Variants in SORCS3 observed in about 807,000 individuals in gnomAD.
SORCS3 encodes VPS10 domain-containing receptor SorCS3.
In SORCS3, 57 loss-of-function variants were observed where a neutral mutation model predicts 146.3. The ratio of observed to expected loss-of-function variants is 0.39; its 90% confidence interval spans 0.31 to 0.49. SORCS3 has a LOEUF of 0.49. Ranked by LOEUF, SORCS3 falls within the 20% of genes least tolerant of loss-of-function variation. The pLI is 0.92. For synonymous variants in SORCS3, 653 were observed against 618.5 expected (o/e 1.06, Z -0.83); for missense variants, 1,341 against 1,575.5 (o/e 0.85, Z 2.52).
chr10:104,738,966 A>G (rs967692497), intron 1 of SORCS3, among the ~76,000 whole-genome samples: 8 of 152,178 alleles, frequency 5.3e-5, no homozygotes, highest in Non-Finnish European at 1.2e-4. Flanking sequence ...CATGAGCTGC[A>G]GAGATGAATG....
At chr10:104,642,022 G>GGGGGGGGGGGGGGGGGGGGCCCCCC in intron 1 of SORCS3, 68 bp downstream of exon 1, 11 of 173,334 alleles carry the variant, frequency 6.3e-5, no homozygotes, top group East Asian at 3.0e-4. Flanking sequence ...GGGTGGGTGG[G>GGGGGGGGGGGGGGGGGGGGCCCCCC]AGCGAGGGAC....
At chr10:105,015,255 T>C (rs4356153) in intron 4 of SORCS3, among the ~76,000 whole-genome samples, 45,459 of 152,022 alleles carry the variant, frequency 0.3, 7,560 homozygotes, top group African/African-American at 0.45. Flanking sequence ...AATTCTGCAA[T>C]TGAACAACCT....
chr10:104,967,511 C>T (rs975809952), intron 3 of SORCS3, among the ~76,000 whole-genome samples: 3 of 152,102 alleles, frequency 2.0e-5, no homozygotes, highest in African/African-American at 7.2e-5. Flanking sequence ...AACCATTGAA[C>T]AGCAACTCCT....
intron 1 of SORCS3, among the ~76,000 whole-genome samples, chr10:104,660,915 G>A (rs1270060530): frequency 6.6e-6 from 1 of 152,234 alleles, no homozygotes; most frequent in African/African-American, 2.4e-5. Flanking sequence ...TGTTGGTCAA[G>A]TACTTACAAT....
chr10:104,777,355 G>T (rs1361492799), intron 1 of SORCS3, among the ~76,000 whole-genome samples: 1 of 152,184 alleles, frequency 6.6e-6, no homozygotes, highest in African/African-American at 2.4e-5. Flanking sequence ...TGAGCTGCAG[G>T]CAAGGGGGAT....
chr10:104,883,678 C>T lies in SORCS3; in HGVS notation c.696-32155C>T, dbSNP rs2018652352. 3.9e-5 allele frequency among the ~76,000 whole-genome samples: 6 copies of T among 152,290 alleles called. No homozygotes were observed. The South Asian group carries it at 1.0e-3, about 26-fold the overall frequency. On this transcript the variant is annotated intron_variant, in intron 2 of 26. Coordinates refer to ENST00000369701, the MANE Select transcript of SORCS3 (RefSeq NM_014978.3). ...CTTATTTTTTATTGTTGGTCCTACT[C>T]TATTCCCCTTTTAAGCTTTTGAATG...
chr10:104,680,395 T>C (rs913608884), intron 1 of SORCS3, among the ~76,000 whole-genome samples: 2 of 152,236 alleles, frequency 1.3e-5, no homozygotes, highest in Non-Finnish European at 2.9e-5. Context: ...CTTCAGTGCA[T>C]CTTTTCTCAA....
chr10:105,244,943 C>A (rs968872079), intron 20 of SORCS3, among the ~76,000 whole-genome samples: 18 of 151,868 alleles, frequency 1.2e-4, no homozygotes, highest in African/African-American at 4.4e-4. Context: ...GTGGCATACA[C>A]CTGTAGTCCC....
intron 1 of SORCS3, among the ~76,000 whole-genome samples, chr10:104,797,595 A>G (rs1461523562): frequency 1.3e-5 from 2 of 152,108 alleles, no homozygotes; most frequent in Non-Finnish European, 2.9e-5. Flanking sequence ...TCACACATTT[A>G]TTTCATCTAA....
At chr10:104,979,315 C>T (rs7898577) in intron 4 of SORCS3, among the ~76,000 whole-genome samples, 15,054 of 152,168 alleles carry the variant, frequency 0.099, 2,357 homozygotes, top group African/African-American at 0.33. Flanking sequence ...TAAGAAAAGA[C>T]ATTTTAGATG....
At chr10:104,883,248 G>A (rs2018648344) in intron 2 of SORCS3, among the ~76,000 whole-genome samples, 1 of 152,106 alleles carries the variant, frequency 6.6e-6, no homozygotes. Flanking sequence ...AGCTATCAGA[G>A]CCTTTCAGCA....
intron 3 of SORCS3, among the ~76,000 whole-genome samples, chr10:104,934,599 C>T (rs1041387302): frequency 2.0e-5 from 3 of 152,040 alleles, no homozygotes; most frequent in Non-Finnish European, 2.9e-5. Flanking sequence ...CATAAGTGCA[C>T]TCATTTTATC....
intron 7 of SORCS3, among the ~76,000 whole-genome samples, chr10:105,112,209 T>G (rs894770452): frequency 2.6e-5 from 4 of 151,996 alleles, no homozygotes; most frequent in Non-Finnish European, 5.9e-5. Flanking sequence ...ATATTCTTTT[T>G]GTTTGTTTGT....
chr10:105,259,537 G>GAGTATTTAAATGAGTATTTAAA (rs1260284555), intron 25 of SORCS3, among the ~76,000 whole-genome samples: 1 of 152,098 alleles, frequency 6.6e-6, no homozygotes, highest in East Asian at 1.9e-4. Flanking sequence ...AGTATCACCT[G>GAGTATTTAAATGAGTATTTAAA]GCCTCTCGCA....
At chr10:105,150,952 A>G (rs1295263824) in intron 9 of SORCS3, among the ~76,000 whole-genome samples, 2 of 152,198 alleles carry the variant, frequency 1.3e-5, no homozygotes, top group Non-Finnish European at 2.9e-5. Flanking sequence ...GAGTAATGCA[A>G]CTGAGAAAAA....
chr10:105,086,221 GC>G (rs1162390926), intron 5 of SORCS3, among the ~76,000 whole-genome samples: 1 of 152,192 alleles, frequency 6.6e-6, no homozygotes, highest in Non-Finnish European at 1.5e-5. Flanking sequence ...AGAGGCATGG[GC>G]TGCTGTGATT....
chr10:105,149,208 G>C (rs1428609416), intron 9 of SORCS3, among the ~76,000 whole-genome samples: 1 of 152,148 alleles, frequency 6.6e-6, no homozygotes, highest in Non-Finnish European at 1.5e-5. Flanking sequence ...AATACACTGA[G>C]AGTGGCAGAA....
chr10:104,893,131 A>G (rs1007265419), intron 2 of SORCS3, among the ~76,000 whole-genome samples: 2 of 152,042 alleles, frequency 1.3e-5, no homozygotes, highest in African/African-American at 4.8e-5. Flanking sequence ...ACACTAGTTC[A>G]TTGTCTACCT....
rs748976642 is a variant in SORCS3, at chr10:105,263,381, C to A, written c.*7C>A. 8.7e-6 allele frequency: 14 copies of A among 1,613,750 alleles called. No homozygotes were observed. In the South Asian group the frequency reaches 1.5e-4, roughly 18 times the overall value. On this transcript the variant is annotated 3_prime_UTR_variant, in exon 27 of 27. Transcript: ENST00000369701. ...CAACTGCACTAGTGTTTAATACCAG[C>A]AAGCCACGTGGTCAACCACCTTTCT...
Sources: allele counts gnomAD v4.1 joint callset (sites outside exome capture counted in the v4.1 genomes callset), GRCh38; gene constraint gnomAD v4.1.1; transcripts MANE v1.5; gene names NCBI Gene and HGNC (gene_info 2026-07-23, HGNC 2026-07-21).